Variants in PCDHGB2 observed in about 807,000 individuals in gnomAD.
The protein encoded by PCDHGB2 is protocadherin gamma subfamily B, 2.
A neutral mutation model predicts 59.3 loss-of-function variants in PCDHGB2; 55 were observed. The observed-to-expected ratio is 0.93, with a 90% CI of 0.75 to 1.16. The LOEUF (loss-of-function observed/expected upper bound fraction) is 1.16. Ranked by LOEUF, PCDHGB2 falls within the 50% of genes most tolerant of loss-of-function variation. The pLI is 0.00. For missense variants in PCDHGB2, 1,228 were observed against 1,198.5 expected, an observed-to-expected ratio of 1.02 and a Z score of -0.36; for synonymous variants, 516 against 512.0, an observed-to-expected ratio of 1.01 and a Z score of -0.11.
chr5:141,443,656 A>T (rs139300845), intron 1 of PCDHGB2, among the ~76,000 whole-genome samples: 1 of 152,256 alleles, frequency 6.6e-6, no homozygotes, highest in African/African-American at 2.4e-5. Flanking sequence ...TTAGCATAGC[A>T]TTTTACTGAA....
intron 1 of PCDHGB2, among the ~76,000 whole-genome samples, chr5:141,368,447 C>T (rs1257309487): frequency 1.3e-5 from 2 of 152,048 alleles, no homozygotes; most frequent in African/African-American, 4.8e-5. Flanking sequence ...AATGTACAAA[C>T]TCACCGAATA....
In PCDHGB2 at chr5:141,389,615, G is replaced by A. The variant is rs552257647; in HGVS notation, c.2421+27059G>A. 11 of 1,612,972 alleles carry A rather than the reference G, an allele frequency of 6.8e-6. No individual in the cohort carries two copies. The African/African-American group carries it at 8.0e-5, about 12-fold the overall frequency. On this transcript the variant is annotated intron_variant, in intron 1 of 3. Transcript: ENST00000522605. ...GCTCTGCGCTCTTCGATATGGTGCC[G>A]CACGCTGCAGAGCCTGGCTACTTGG...
In PCDHGB2 at chr5:141,383,217, T is replaced by C. The variant is rs367646444; in HGVS notation, c.2421+20661T>C. The stretch of plus-strand genomic sequence containing the variant: ...AGAGTGCGCGGTGTCTGGTAAACTT[T>C]AACATCCTGATGGAAGATAAAATGA... On this transcript the variant is annotated intron_variant, in intron 1 of 3. Coordinates refer to ENST00000522605, the MANE Select transcript of PCDHGB2 (RefSeq NM_018923.3). 8.1e-6 allele frequency: 13 copies of C among 1,613,876 alleles called. 1 individual carries two copies. The Admixed American group carries it at 1.0e-4, about 12-fold the overall frequency.
chr5:141,361,585 A>G lies in PCDHGB2; in HGVS notation c.1450A>G (p.Ser484Gly). ...TGCCTCTGACCCTGACTTGGGCCCC[A>G]GTGGCCAAGTTTCCTACTCCATCGT... ...ISASDPDLGPSGQVSYSIVAS... is the reference protein window; with the variant it reads ...ISASDPDLGPGGQVSYSIVAS... The change falls in exon 1 of 4, where the codon AGT becomes GGT. Residue 484 changes from serine to glycine, a missense_variant. Ser to Gly is a moderately conservative substitution (Grantham distance 56, BLOSUM62 0). Around this residue, in one of 3 missense-constraint regions of PCDHGB2, gnomAD observed 781 missense variants for 721.6 expected, o/e 1.08. Transcript: ENST00000522605. The G allele has an allele frequency of 6.2e-7, 1 of 1,614,014 alleles. No individual in the cohort carries two copies. The highest frequency in any genetic ancestry group is 8.5e-7 in the Non-Finnish European group (1 of 1,179,892).
intron 1 of PCDHGB2, chr5:141,394,606 C>T (rs747606142): frequency 3.1e-6 from 5 of 1,613,486 alleles, no homozygotes; most frequent in Admixed American, 1.7e-5. Context: ...GACAGAGACT[C>T]GGGCCAGAAC....
At chr5:141,380,044 T>G (rs2150154825) in intron 1 of PCDHGB2, among the ~76,000 whole-genome samples, 1 of 151,770 alleles carries the variant, frequency 6.6e-6, no homozygotes, top group African/African-American at 2.4e-5. Context: ...GGATTACAGG[T>G]GCATGCCACC....
At chr5:141,409,109 A>G in intron 1 of PCDHGB2, 1 of 1,614,028 alleles carries the variant, frequency 6.2e-7, no homozygotes, top group Non-Finnish European at 8.5e-7. Context: ...TATGATTAAG[A>G]ATAACCAGTC....
intron 2 of PCDHGB2, among the ~76,000 whole-genome samples, chr5:141,502,829 C>A (rs1034808123): frequency 2.0e-5 from 3 of 150,428 alleles, no homozygotes; most frequent in African/African-American, 7.4e-5. Context: ...CTTGGGGAAG[C>A]CTGGACTGGC....
intron 1 of PCDHGB2, chr5:141,399,064 A>G: frequency 1.2e-6 from 2 of 1,613,762 alleles, no homozygotes; most frequent in Non-Finnish European, 1.7e-6. Flanking sequence ...GGAATATTCA[A>G]TGGTTGTAGA....
At chr5:141,495,052 CTGTT>C (rs1406995321) in intron 2 of PCDHGB2, among the ~76,000 whole-genome samples, 187 bp downstream of exon 2, 1 of 152,190 alleles carries the variant, frequency 6.6e-6, no homozygotes, top group Non-Finnish European at 1.5e-5. Context: ...ACTGCCCTGA[CTGTT>C]CAGGAAGCTC....
At chr5:141,447,027 T>TG (rs563674341) in intron 1 of PCDHGB2, among the ~76,000 whole-genome samples, 103 of 152,252 alleles carry the variant, frequency 6.8e-4, no homozygotes, top group South Asian at 2.3e-3. Flanking sequence ...TGTTTTGTTT[T>TG]TTTTCTGTGT....
In PCDHGB2 at chr5:141,491,707, G is replaced by A. The variant is rs1337506934; in HGVS notation, c.2422-3100G>A. ...GCTGCGGGAGCGGAGCCAGGTGAGG[G>A]GCTCGGCGCCGCCCCGGGCGACCCC... On this transcript the variant is annotated intron_variant, in intron 1 of 3. Transcript: ENST00000522605. The surrounding 1 kb of genome is among the most constrained non-coding windows in gnomAD (Gnocchi z 6.9). The A allele has an allele frequency of 6.2e-6, 10 of 1,610,604 alleles. No homozygotes were observed. Among genetic ancestry groups the A allele is most frequent in the Admixed American group, 1.7e-5 (1 of 59,554 alleles).
intron 1 of PCDHGB2, among the ~76,000 whole-genome samples, chr5:141,461,824 T>C (rs958063237): frequency 1.3e-5 from 2 of 151,968 alleles, no homozygotes; most frequent in African/African-American, 4.8e-5. Flanking sequence ...CAGCTAATTT[T>C]TTTTTCTTTT....
intron 1 of PCDHGB2, among the ~76,000 whole-genome samples, chr5:141,444,152 ATTTTTTTTTTTTTTTTTTTTT>A (rs747671382): frequency 8.9e-5 from 3 of 33,882 alleles, no homozygotes; most frequent in Admixed American, 3.9e-4. Context: ...TGTGTACTGG[ATTTTTTTTTTTTTTTTTTTTT>A]TTTTTTTTTT....
chr5:141,476,267 G>T lies in PCDHGB2; in HGVS notation c.2422-18540G>T, dbSNP rs373758158. 15 of 1,614,056 alleles carry T rather than the reference G, an allele frequency of 9.3e-6. No homozygotes were observed. In the South Asian group the frequency reaches 1.6e-4, roughly 18 times the overall value. On this transcript the variant is annotated intron_variant, in intron 1 of 3. Transcript: ENST00000522605. This position sits in a 1 kb window ranked among gnomAD's most constrained non-coding sequence, Gnocchi z 7.6. ...GAAGGGTTTCGCTGTGGGCAACGTGGTCGCGAACCTTGGTTTGGATCTCGG... is the reference window on the plus strand; with the variant it reads ...GAAGGGTTTCGCTGTGGGCAACGTGTTCGCGAACCTTGGTTTGGATCTCGG...
At chr5:141,460,985 A>G (rs553462661) in intron 1 of PCDHGB2, among the ~76,000 whole-genome samples, 245 of 91,804 alleles carry the variant, frequency 2.7e-3, no homozygotes, top group Middle Eastern at 5.0e-3. Context: ...GTGTGTGTGT[A>G]TATATATATA....
chr5:141,468,920 A>G (rs2099185605), intron 1 of PCDHGB2, among the ~76,000 whole-genome samples: 1 of 151,612 alleles, frequency 6.6e-6, no homozygotes, highest in South Asian at 2.1e-4. Context: ...AGAAGAGAAT[A>G]GCACTAAAAT....
chr5:141,508,527 GCACC>G (rs2099869479), intron 3 of PCDHGB2, among the ~76,000 whole-genome samples: 1 of 152,104 alleles, frequency 6.6e-6, no homozygotes, highest in Non-Finnish European at 1.5e-5. Flanking sequence ...CAACCTCAGG[GCACC>G]CCCCACGAGG....
At chr5:141,365,174 C>T (rs748996894) in intron 1 of PCDHGB2, 28 of 1,613,760 alleles carry the variant, frequency 1.7e-5, no homozygotes, top group Non-Finnish European at 2.1e-5. Flanking sequence ...CTACTCTTTT[C>T]GCAATGAAGA....
Sources: allele counts gnomAD v4.1 joint callset (sites outside exome capture counted in the v4.1 genomes callset), GRCh38; gene constraint gnomAD v4.1.1; regional missense constraint gnomAD v4.1.1; non-coding constraint Gnocchi (gnomAD v3.1); transcripts MANE v1.5; gene names NCBI Gene and HGNC (gene_info 2026-07-23, HGNC 2026-07-21).